The following IL1RAPL1 variants were observed in gnomAD, a reference collection of about 807,000 sequenced individuals.
The protein encoded by IL1RAPL1 is interleukin-1 receptor accessory protein-like 1.
IL1RAPL1 carries 3 observed loss-of-function variants against 48.4 expected under a neutral mutation model. The ratio of observed to expected loss-of-function variants is 0.06; its 90% CI spans 0.03 to 0.16. IL1RAPL1 has a LOEUF of 0.16. Among genes scored for constraint, IL1RAPL1 ranks in the 10% least tolerant of loss-of-function variants. The probability of loss-of-function intolerance (pLI) is 1.00; values close to 1 mark genes in which losing one functional copy is unlikely to be tolerated. For synonymous variants in IL1RAPL1, 185 were observed against 187.7 expected (o/e 0.99, Z 0.12); for missense variants, 349 against 530.6 (o/e 0.66, Z 3.36).
At position 29,949,582 on chromosome X, in the gene IL1RAPL1, A is replaced by G. The variant is rs183488216; in HGVS notation, c.1202-4940A>G. Among the ~76,000 whole-genome samples the G allele has an allele frequency of 3.6e-5, 4 of 112,475 alleles. No homozygotes were observed. In the East Asian group the frequency reaches 8.3e-4, roughly 23 times the overall value. On this transcript the variant is annotated intron_variant, in intron 9 of 10. Coordinates refer to ENST00000378993, the MANE Select transcript of IL1RAPL1 (RefSeq NM_014271.4). ...GATGCTTAAATTGCAGAGGATTTTG[A>G]GAATAAAGCTCAGAATAAGAAATAG...
intron 2 of IL1RAPL1, among the ~76,000 whole-genome samples, chrX:29,152,108 G>A (rs1056427886): frequency 2.7e-5 from 3 of 111,252 alleles, no homozygotes; most frequent in Admixed American, 9.6e-5. Flanking sequence ...GCAAAGTCAC[G>A]TCTTACATGG....
intron 3 of IL1RAPL1, among the ~76,000 whole-genome samples, chrX:29,289,875 G>C (rs1435124283): frequency 8.9e-6 from 1 of 111,998 alleles, no homozygotes; most frequent in African/African-American, 3.2e-5. Flanking sequence ...TTGTTACTAT[G>C]TGAAAATGTG....
intron 2 of IL1RAPL1, among the ~76,000 whole-genome samples, chrX:29,110,362 G>T (rs184358276): frequency 3.7e-4 from 41 of 111,708 alleles, no homozygotes; most frequent in Admixed American, 3.3e-3. Context: ...AGCTGCCAAT[G>T]GTCTGGAATT....
chrX:29,814,867 T>C (rs1930460259), intron 6 of IL1RAPL1, among the ~76,000 whole-genome samples: 1 of 111,545 alleles, frequency 9.0e-6, no homozygotes, highest in Non-Finnish European at 1.9e-5. Context: ...TTTTGTCGAC[T>C]TTGTTGAAGA....
intron 6 of IL1RAPL1, among the ~76,000 whole-genome samples, chrX:29,895,563 G>C (rs1932367774): frequency 1.8e-5 from 2 of 112,665 alleles, no homozygotes; most frequent in South Asian, 7.4e-4. Flanking sequence ...AAGAAAAAAA[G>C]CTATTGTATA....
intron 2 of IL1RAPL1, among the ~76,000 whole-genome samples, chrX:29,046,851 A>C (rs150306810): frequency 1.8e-5 from 2 of 112,386 alleles, no homozygotes; most frequent in African/African-American, 6.5e-5. Flanking sequence ...AATAGGCTTG[A>C]ATGGCTAAAG....
intron 1 of IL1RAPL1, among the ~76,000 whole-genome samples, chrX:28,777,337 C>G (rs1601898899): frequency 9.0e-6 from 1 of 111,598 alleles, no homozygotes; most frequent in Non-Finnish European, 1.9e-5. Context: ...CTCCTTATCT[C>G]AAAATTCTTC....
intron 2 of IL1RAPL1, among the ~76,000 whole-genome samples, chrX:29,068,898 G>C: frequency 8.9e-6 from 1 of 111,988 alleles, no homozygotes; most frequent in East Asian, 2.8e-4. Flanking sequence ...TGATTGAAGG[G>C]CATGGTGCTT....
chrX:29,119,038 A>G (rs967186330), intron 2 of IL1RAPL1, among the ~76,000 whole-genome samples: 5 of 111,150 alleles, frequency 4.5e-5, no homozygotes, highest in African/African-American at 1.6e-4. Context: ...TAAGAATATA[A>G]TTTTTATACA....
intron 5 of IL1RAPL1, among the ~76,000 whole-genome samples, chrX:29,667,882 T>G (rs187824380): frequency 8.9e-6 from 1 of 112,012 alleles, no homozygotes; most frequent in African/African-American, 3.2e-5. Flanking sequence ...TGTGCATGCT[T>G]GTACTAATTT....
intron 2 of IL1RAPL1, among the ~76,000 whole-genome samples, chrX:29,087,177 C>T (rs762408695): frequency 8.9e-5 from 8 of 90,213 alleles, no homozygotes; most frequent in South Asian, 1.1e-3. Context: ...CTTGCTCTGT[C>T]GCCAGGCTGG....
chrX:29,038,628 A>C (rs1367229733), intron 2 of IL1RAPL1, among the ~76,000 whole-genome samples: 1 of 111,762 alleles, frequency 8.9e-6, no homozygotes, highest in Non-Finnish European at 1.9e-5. Context: ...AAAGGGACAG[A>C]GTTTTAAAAT....
At chrX:29,529,185 G>A (rs1935585890) in intron 5 of IL1RAPL1, among the ~76,000 whole-genome samples, 1 of 111,496 alleles carries the variant, frequency 9.0e-6, no homozygotes, top group Non-Finnish European at 1.9e-5. Flanking sequence ...AAACTAAAGA[G>A]ACATGACACC....
At chrX:29,802,885 A>G (rs185955745) in intron 6 of IL1RAPL1, among the ~76,000 whole-genome samples, 329 of 84,398 alleles carry the variant, frequency 3.9e-3, no homozygotes, top group African/African-American at 0.015. Flanking sequence ...ATATATGTAT[A>G]TATGTATACA....
intron 2 of IL1RAPL1, among the ~76,000 whole-genome samples, chrX:28,954,927 T>C (rs1351577590): frequency 8.9e-6 from 1 of 112,013 alleles, no homozygotes; most frequent in Admixed American, 9.5e-5. Flanking sequence ...TACCTGAAGA[T>C]ATATGCCCAT....
At chrX:29,165,178 G>T (rs1929762932) in intron 2 of IL1RAPL1, among the ~76,000 whole-genome samples, 1 of 111,640 alleles carries the variant, frequency 9.0e-6, no homozygotes, top group South Asian at 3.7e-4. Flanking sequence ...AATTAGCTGG[G>T]CGTGGTGGTG....
chrX:29,058,301 C>T (rs1163423202), intron 2 of IL1RAPL1, among the ~76,000 whole-genome samples: 4 of 110,428 alleles, frequency 3.6e-5, no homozygotes, highest in South Asian at 3.9e-4. Flanking sequence ...CACTTGAACC[C>T]GGGAGGCGGA....
chrX:28,597,292 A>C (rs1434712799), intron 1 of IL1RAPL1, among the ~76,000 whole-genome samples: 1 of 111,459 alleles, frequency 9.0e-6, no homozygotes, highest in Non-Finnish European at 1.9e-5. Context: ...AAGAGTGTGT[A>C]TCTCCAGGTT....
rs761306099 is a variant in IL1RAPL1, at chrX:29,663,439, T to C, written c.704-4991T>C. The stretch of plus-strand genomic sequence containing the variant: ...TGCATCATAAATATGCTCTCATCTA[T>C]GAACATCCTTATGAATGACTCTATG... On this transcript the variant is annotated intron_variant, in intron 5 of 10. Transcript: ENST00000378993. 4.4e-5 allele frequency among the ~76,000 whole-genome samples: 5 copies of C among 112,491 alleles called. No homozygotes were observed. In the East Asian group the frequency reaches 1.4e-3, roughly 31 times the overall value.
Sources: allele counts gnomAD v4.1 joint callset (sites outside exome capture counted in the v4.1 genomes callset), GRCh38; gene constraint gnomAD v4.1.1; transcripts MANE v1.5; gene names NCBI Gene and HGNC (gene_info 2026-07-23, HGNC 2026-07-21).